Variants in CLASP1 observed in about 807,000 individuals in gnomAD.
CLASP1 encodes CLIP-associating protein 1.
Under a neutral mutation model 192.3 loss-of-function variants are expected in CLASP1, and 38 were observed. The observed-to-expected ratio is 0.20, with a 90% CI of 0.15 to 0.26. The LOEUF (loss-of-function observed/expected upper bound fraction) is 0.26. Among genes scored for constraint, CLASP1 ranks in the 10% least tolerant of loss-of-function variants. The pLI is 1.00. For missense variants in CLASP1, 1,433 were observed against 1,932.5 expected (o/e 0.74, Z 4.85); for synonymous variants, 691 against 712.8 (o/e 0.97, Z 0.49).
At chr2:121,446,410 T>C (rs1247365796) in intron 19 of CLASP1, among the ~76,000 whole-genome samples, 3 of 152,228 alleles carry the variant, frequency 2.0e-5, no homozygotes, top group African/African-American at 7.2e-5. Flanking sequence ...TGGGTGCTAT[T>C]TGTTCACTGT....
intron 6 of CLASP1, among the ~76,000 whole-genome samples, chr2:121,520,273 A>C (rs2094428480): frequency 6.6e-6 from 1 of 152,198 alleles, no homozygotes; most frequent in Non-Finnish European, 1.5e-5. Flanking sequence ...CTGCAAAGCA[A>C]AAAACTCAAA....
intron 8 of CLASP1, among the ~76,000 whole-genome samples, chr2:121,483,021 C>T (rs1189829637): frequency 6.6e-6 from 1 of 152,172 alleles, no homozygotes; most frequent in Non-Finnish European, 1.5e-5. Context: ...CCACCTAACT[C>T]AGAGTTCATC....
At chr2:121,464,860 T>C (rs1293951251) in intron 9 of CLASP1, among the ~76,000 whole-genome samples, 2 of 152,342 alleles carry the variant, frequency 1.3e-5, no homozygotes, top group African/African-American at 4.8e-5. Flanking sequence ...TAGATCCCAT[T>C]TGTCAATTTT....
intron 8 of CLASP1, among the ~76,000 whole-genome samples, chr2:121,501,533 T>G (rs952670899): frequency 6.6e-6 from 1 of 152,196 alleles, no homozygotes; most frequent in African/African-American, 2.4e-5. Context: ...TAAGAAAATA[T>G]AGCGAAAATG....
At chr2:121,574,101 G>A (rs893581296) in intron 2 of CLASP1, among the ~76,000 whole-genome samples, 13 of 152,020 alleles carry the variant, frequency 8.6e-5, no homozygotes, top group South Asian at 2.1e-4. Context: ...GGCCCGAGGC[G>A]GGCAGATCAC....
intron 28 of CLASP1, among the ~76,000 whole-genome samples, chr2:121,400,666 C>T (rs1461751662): frequency 6.6e-6 from 1 of 152,244 alleles, no homozygotes. Context: ...CTGTCTGTTT[C>T]TCACTGATAA....
intron 2 of CLASP1, among the ~76,000 whole-genome samples, chr2:121,552,617 G>A (rs1034868620): frequency 2.0e-5 from 3 of 152,206 alleles, no homozygotes; most frequent in African/African-American, 2.4e-5. Flanking sequence ...GATCATTAGA[G>A]AAATGCAAAT....
intron 2 of CLASP1, among the ~76,000 whole-genome samples, chr2:121,599,785 T>TG (rs1212078212): frequency 2.0e-5 from 3 of 151,120 alleles, no homozygotes; most frequent in Non-Finnish European, 4.4e-5. Flanking sequence ...CCAGGCATGG[T>TG]GGCACGCACC....
At chr2:121,498,982 T>C (rs995394436) in intron 8 of CLASP1, among the ~76,000 whole-genome samples, 7 of 152,194 alleles carry the variant, frequency 4.6e-5, no homozygotes, top group African/African-American at 2.4e-5. Flanking sequence ...GAACATAAAA[T>C]AGTGCTGCAA....
chr2:121,416,630 A>C (rs1255648903), intron 23 of CLASP1, among the ~76,000 whole-genome samples: 1 of 152,198 alleles, frequency 6.6e-6, no homozygotes, highest in African/African-American at 2.4e-5. Flanking sequence ...GCCTGGAAAT[A>C]AATGACTCAG....
At chr2:121,429,205 G>GT (rs939740503) in intron 20 of CLASP1, among the ~76,000 whole-genome samples, 4 of 152,172 alleles carry the variant, frequency 2.6e-5, no homozygotes, top group African/African-American at 9.7e-5. Flanking sequence ...AGCTCTTAAG[G>GT]TTTGGTGCAG....
intron 8 of CLASP1, among the ~76,000 whole-genome samples, chr2:121,472,123 G>T (rs2090856310): frequency 6.6e-6 from 1 of 152,112 alleles, no homozygotes; most frequent in African/African-American, 2.4e-5. Context: ...AAAATAAATG[G>T]GAGACATGAA....
chr2:121,347,003 G>A, intron 39 of CLASP1, 35 bp downstream of exon 40: 3 of 1,309,162 alleles, frequency 2.3e-6, no homozygotes, highest in Non-Finnish European at 3.2e-6. Flanking sequence ...GCAGAGCCCA[G>A]GTGTGCGTAT....
At position 121,357,394 on chromosome 2, in the gene CLASP1, C is replaced by T. The variant is rs145972655; in HGVS notation, c.4206+5778G>A. Among the ~76,000 whole-genome samples, 1,026 of 152,212 alleles carry T rather than the reference C, an allele frequency of 6.7e-3. 8 individuals are homozygous for T. Among genetic ancestry groups the T allele is most frequent in the Middle Eastern group, 0.027 (8 of 294 alleles). On this transcript the variant is annotated intron_variant, in intron 37 of 39. Transcript: ENST00000263710. ...CTTGACTTTAATGCTAGCCTCTCAG[C>T]GCAGGGTATAAAACACCTGCCCCCC...
intron 19 of CLASP1, 119 bp downstream of exon 19, chr2:121,447,218 A>C: frequency 1.1e-6 from 1 of 940,868 alleles, no homozygotes; most frequent in Non-Finnish European, 1.6e-6. Flanking sequence ...CTTAGATTTA[A>C]ATAGTAGCCC....
At chr2:121,506,929 C>T (rs1482620915) in intron 7 of CLASP1, among the ~76,000 whole-genome samples, 2 of 151,970 alleles carry the variant, frequency 1.3e-5, no homozygotes, top group African/African-American at 4.8e-5. Flanking sequence ...GCAACAAAAA[C>T]AATAAAAAGC....
chr2:121,626,989 A>G (rs1174270492), intron 1 of CLASP1, among the ~76,000 whole-genome samples: 1 of 152,238 alleles, frequency 6.6e-6, no homozygotes, highest in Admixed American at 6.5e-5. Context: ...ATAAATGAAG[A>G]GAAAGAACCA....
intron 8 of CLASP1, chr2:121,470,751 A>T (rs1179144400): frequency 5.1e-6 from 2 of 392,848 alleles, no homozygotes; most frequent in South Asian, 1.9e-5. Flanking sequence ...TATAGTGCCA[A>T]AATTATCAGA....
intron 1 of CLASP1, among the ~76,000 whole-genome samples, chr2:121,611,291 T>A (rs1194405023): frequency 5.6e-5 from 4 of 71,378 alleles, no homozygotes; most frequent in Non-Finnish European, 8.4e-5. Context: ...GAGGAGGAGT[T>A]GGAGGAGTTA....
Sources: allele counts gnomAD v4.1 joint callset (sites outside exome capture counted in the v4.1 genomes callset), GRCh38; gene constraint gnomAD v4.1.1; transcripts MANE v1.5; gene names NCBI Gene and HGNC (gene_info 2026-07-23, HGNC 2026-07-21).